Variants in PCDHGB2 observed in about 807,000 individuals in gnomAD.
PCDHGB2 encodes the protein protocadherin gamma-B2.
PCDHGB2 carries 55 observed loss-of-function variants against 59.3 expected under a neutral mutation model. That is an observed-to-expected ratio of 0.93 (90% CI 0.75 to 1.16). PCDHGB2 has a LOEUF of 1.16. Among genes scored for constraint, PCDHGB2 ranks in the 50% most tolerant of loss-of-function variants. The probability of loss-of-function intolerance (pLI) is 0.00; values close to 1 mark genes in which losing one functional copy is unlikely to be tolerated. For missense variants in PCDHGB2, 1,228 were observed against 1,198.5 expected, an observed-to-expected ratio of 1.02 and a Z score of -0.36; for synonymous variants, 516 against 512.0, an observed-to-expected ratio of 1.01 and a Z score of -0.11.
At chr5:141,444,125 C>A (rs1459174213) in intron 1 of PCDHGB2, among the ~76,000 whole-genome samples, 2 of 130,784 alleles carry the variant, frequency 1.5e-5, no homozygotes, top group African/African-American at 5.7e-5. Flanking sequence ...AGTATCTCAA[C>A]AGATATGTGT....
intron 1 of PCDHGB2, among the ~76,000 whole-genome samples, chr5:141,457,067 G>A (rs946526462): frequency 1.3e-5 from 2 of 152,166 alleles, no homozygotes; most frequent in Non-Finnish European, 2.9e-5. Flanking sequence ...CTTTTTGCCA[G>A]TAACTATTAT....
At chr5:141,383,870 G>A in intron 1 of PCDHGB2, 1 of 1,613,960 alleles carries the variant, frequency 6.2e-7, no homozygotes, top group Non-Finnish European at 8.5e-7. Context: ...GCTCAAGATG[G>A]TCCTGGTAGT....
rs978615543 is a variant in PCDHGB2, at chr5:141,362,706, T to A, written c.2421+150T>A. On this transcript the variant is annotated intron_variant, in intron 1 of 3. Transcript: ENST00000522605. ...TAATCTTATCTAACTGAATTTTAAG[T>A]GTTTTCTCTCTGAAGTGTGAGATTT... The A allele has an allele frequency of 3.0e-6, 3 of 988,590 alleles. No individual in the cohort carries two copies. The African/African-American group carries it at 4.9e-5, about 16-fold the overall frequency. 61.2% of individuals were successfully genotyped at this position (988,590 alleles called of 1,614,324 possible).
chr5:141,413,541 G>A, intron 1 of PCDHGB2: 1 of 1,613,904 alleles, frequency 6.2e-7, no homozygotes, highest in Non-Finnish European at 8.5e-7. Flanking sequence ...AACTTTTTGG[G>A]ATAGAAATAG....
chr5:141,365,014 C>T (rs1763677567), intron 1 of PCDHGB2: 1 of 1,613,924 alleles, frequency 6.2e-7, no homozygotes, highest in African/African-American at 1.3e-5. Flanking sequence ...CCACGCACAT[C>T]CGTGTTACGG....
At chr5:141,423,415 G>A (rs779262475) in intron 1 of PCDHGB2, 103 of 1,614,016 alleles carry the variant, frequency 6.4e-5, no homozygotes, top group African/African-American at 1.2e-4. Context: ...GCAGGCTTCT[G>A]AAGGCGGGTT....
intron 1 of PCDHGB2, chr5:141,419,045 T>G (rs1473408777): frequency 6.2e-7 from 1 of 1,613,710 alleles, no homozygotes; most frequent in Non-Finnish European, 8.5e-7. Context: ...TAAGATTCAT[T>G]CTTCTTCTAA....
Position 141,510,960 on chromosome 5 carries a change from G to C in PCDHGB2, c.2583G>C (p.Gly861=). The change falls in exon 4 of 4, where the codon GGG becomes GGC. Residue 861 remains glycine, a synonymous_variant. Transcript: ENST00000522605. ...CTGTCTCTGCAGAAGCTGCTGATGG[G>C]AGCTCCACCCTGGGAGGGGGTGCCG... The part of the protein sequence containing the change: ...ILASASEAAD[G]SSTLGGGAGT... 1 of 1,614,120 alleles carries C rather than the reference G, an allele frequency of 6.2e-7. No homozygotes were observed. Among genetic ancestry groups the C allele is most frequent in the Non-Finnish European group, 8.5e-7 (1 of 1,180,022 alleles).
chr5:141,464,970 G>A (rs550643230), intron 1 of PCDHGB2, among the ~76,000 whole-genome samples: 1 of 152,028 alleles, frequency 6.6e-6, no homozygotes, highest in East Asian at 1.9e-4. Flanking sequence ...TTGAACTACT[G>A]GCTTCAAGTG....
At chr5:141,473,369 G>T (rs888984972) in intron 1 of PCDHGB2, among the ~76,000 whole-genome samples, 1 of 152,200 alleles carries the variant, frequency 6.6e-6, no homozygotes, top group Non-Finnish European at 1.5e-5. Flanking sequence ...CACCAAAATA[G>T]CATGGTCCCT....
At chr5:141,503,502 G>A (rs750139098) in intron 2 of PCDHGB2, among the ~76,000 whole-genome samples, 5 of 151,828 alleles carry the variant, frequency 3.3e-5, no homozygotes, top group Admixed American at 2.0e-4. Context: ...AAGAGGCTGA[G>A]GCAGGAGAAT....
intron 1 of PCDHGB2, chr5:141,388,368 A>G (rs1420676769): frequency 1.2e-6 from 2 of 1,614,026 alleles, no homozygotes; most frequent in Admixed American, 3.3e-5. Context: ...TGATGCGGAT[A>G]TTGGTAGCAA....
Position 141,485,718 on chromosome 5 carries a change from T to A in PCDHGB2, c.2422-9089T>A, listed in dbSNP as rs562192762. ...TCCAATGAACACTTTGCACTGGATG[T>A]GAAGAAGCGCAGCGACGGCAGCCTG... On this transcript the variant is annotated intron_variant, in intron 1 of 3. Coordinates refer to ENST00000522605, the MANE Select transcript of PCDHGB2 (RefSeq NM_018923.3). The surrounding 1 kb of genome is among the most constrained non-coding windows in gnomAD (Gnocchi z 5.7). 1 of 1,614,058 alleles carries A rather than the reference T, an allele frequency of 6.2e-7. No homozygotes were observed. The highest frequency in any genetic ancestry group is 2.2e-5 in the East Asian group (1 of 44,866).
At chr5:141,369,576 C>T (rs1388999909) in intron 1 of PCDHGB2, among the ~76,000 whole-genome samples, 1 of 152,202 alleles carries the variant, frequency 6.6e-6, no homozygotes, top group Non-Finnish European at 1.5e-5. Context: ...AAGAGACCCT[C>T]TTGCTTTTTA....
chr5:141,408,184 G>A, intron 1 of PCDHGB2: 1 of 1,541,100 alleles, frequency 6.5e-7, no homozygotes, highest in Non-Finnish European at 8.8e-7. Flanking sequence ...CGGGGACCCA[G>A]CGAGAACCCG....
rs370067669 is a variant in PCDHGB2 at position 141,419,410 on chromosome 5, G to A, written c.2421+56854G>A. ...CGCAGAGCGGGGTGGTGTTCGCGCA[G>A]CGCGCCTTCGACCACGAGCAGCTGC... On this transcript the variant is annotated intron_variant, in intron 1 of 3. Coordinates refer to ENST00000522605, the MANE Select transcript of PCDHGB2 (RefSeq NM_018923.3). 140 of 1,613,468 alleles carry A rather than the reference G, an allele frequency of 8.7e-5. No individual in the cohort carries two copies. In the African/African-American group the frequency reaches 1.8e-3, roughly 20 times the overall value.
intron 1 of PCDHGB2, chr5:141,441,678 G>A (rs952726158): frequency 3.4e-6 from 1 of 292,424 alleles, no homozygotes; most frequent in Non-Finnish European, 6.7e-6. Flanking sequence ...GTGCGCCTTC[G>A]ACCAAGAGCA....
chr5:141,404,952 G>A (rs2094589054), intron 1 of PCDHGB2: 3 of 1,614,030 alleles, frequency 1.9e-6, no homozygotes, highest in African/African-American at 1.3e-5. Flanking sequence ...ATAGCTGACA[G>A]CATCCCAGAC....
Position 141,394,683 on chromosome 5 carries a change from G to A in PCDHGB2, c.2421+32127G>A, listed in dbSNP as rs1008097766. ...ACTCTTCTCGGTGGGTCTGCACACG[G>A]GCGAGGTGCGCACGGCGCGAGCCCT... On this transcript the variant is annotated intron_variant, in intron 1 of 3. Coordinates refer to ENST00000522605, the MANE Select transcript of PCDHGB2 (RefSeq NM_018923.3). 5 of 1,611,630 alleles carry A rather than the reference G, an allele frequency of 3.1e-6. No homozygotes were observed. In the African/African-American group the frequency reaches 5.4e-5, roughly 17 times the overall value.
Sources: gnomAD v4.1 joint callset for allele counts (sites outside exome capture counted in the v4.1 genomes callset) on GRCh38, gnomAD v4.1.1 for gene constraint, Gnocchi (gnomAD v3.1) non-coding constraint, MANE v1.5 for transcripts, NCBI Gene and HGNC (gene_info 2026-07-23, HGNC 2026-07-21) for gene names.